Variants in BLTP2 observed in about 807,000 individuals in gnomAD.
BLTP2 encodes the protein U937-associated antigen.
the BLTP2 span, chr17:28,634,640 C>G: frequency 6.2e-7 from 1 of 1,614,216 alleles, no homozygotes. Context: ...TGCTCAGGAC[C>G]ATGGAAGGAG....
the BLTP2 span, chr17:28,633,436 G>T: frequency 5.2e-5 from 83 of 1,592,748 alleles, no homozygotes; most frequent in Non-Finnish European, 6.3e-5. Context: ...TGAGATATAG[G>T]TAAGAAAACC....
the BLTP2 span, chr17:28,620,545 G>A: frequency 1.9e-6 from 3 of 1,614,172 alleles, no homozygotes; most frequent in Non-Finnish European, 2.5e-6. Flanking sequence ...GCAGGTTGTT[G>A]ACAATGTCCA....
At chr17:28,633,278 C>A in the BLTP2 span, 1 of 1,611,032 alleles carries the variant, frequency 6.2e-7, no homozygotes, top group Non-Finnish European at 8.5e-7. Context: ...CTTCACTCCA[C>A]TCACTTAGAG....
At chr17:28,615,365 C>T in the BLTP2 span, 1 of 876,854 alleles carries the variant, frequency 1.1e-6, no homozygotes, top group East Asian at 2.6e-5. Flanking sequence ...TGGGGCAATT[C>T]ACATACAATG....
At chr17:28,638,609 A>C in the BLTP2 span, 1 of 1,613,316 alleles carries the variant, frequency 6.2e-7, no homozygotes, top group East Asian at 2.2e-5. Context: ...TGGAGGTGCT[A>C]AAGATGATGG....
the BLTP2 span, chr17:28,632,111 T>G: frequency 1.2e-6 from 2 of 1,614,220 alleles, no homozygotes; most frequent in Non-Finnish European, 1.7e-6. Flanking sequence ...AGTTTCTTCT[T>G]GCTGGGTTTC....
At chr17:28,631,982 A>G in the BLTP2 span, 65 of 1,606,816 alleles carry the variant, frequency 4.0e-5, no homozygotes, top group African/African-American at 7.1e-4. Context: ...AAGGGACTCA[A>G]TATGAGAAAC....
At chr17:28,640,079 T>A in the BLTP2 span, 1 of 1,591,684 alleles carries the variant, frequency 6.3e-7, no homozygotes, top group South Asian at 1.1e-5. Context: ...TTCCTACTTC[T>A]TTTACTTTTA....
At chr17:28,634,379 G>A in the BLTP2 span, 7 of 843,576 alleles carry the variant, frequency 8.3e-6, no homozygotes, top group South Asian at 1.2e-4. Flanking sequence ...AGAAAGGGAA[G>A]GGAAGCCCAC....
chr17:28,638,179 A>G, the BLTP2 span: 3 of 1,596,514 alleles, frequency 1.9e-6, 1 homozygote, highest in South Asian at 3.3e-5. Flanking sequence ...CTGCATTAGG[A>G]TGCTCAGCGC....
At chr17:28,634,747 A>T in the BLTP2 span, 1 of 1,614,068 alleles carries the variant, frequency 6.2e-7, no homozygotes, top group South Asian at 1.1e-5. Context: ...GGAACGCTGG[A>T]TGTAGATTTC....
the BLTP2 span, chr17:28,634,749 G>A: frequency 2.5e-6 from 4 of 1,614,160 alleles, no homozygotes; most frequent in African/African-American, 2.7e-5. Context: ...AACGCTGGAT[G>A]TAGATTTCAA....
At chr17:28,627,267 T>C in the BLTP2 span, among the ~76,000 whole-genome samples, 2 of 152,170 alleles carry the variant, frequency 1.3e-5, no homozygotes, top group Non-Finnish European at 2.9e-5. Flanking sequence ...ACTCAGATTA[T>C]TCCCTCTGCA....
chr17:28,635,413 G>C, the BLTP2 span: 4 of 1,614,062 alleles, frequency 2.5e-6, no homozygotes, highest in Non-Finnish European at 3.4e-6. Flanking sequence ...CAGCCGCTTT[G>C]GGGGTAATGG....
chr17:28,621,121 G>T, the BLTP2 span: 8 of 1,614,052 alleles, frequency 5.0e-6, no homozygotes, highest in African/African-American at 9.3e-5. Context: ...AACGCGAAAT[G>T]ATCCGCTGGA....
chr17:28,638,362 C>G, the BLTP2 span: 2 of 1,614,186 alleles, frequency 1.2e-6, no homozygotes, highest in Non-Finnish European at 1.7e-6. Flanking sequence ...CAGAGGTGGT[C>G]CACAGTTAGG....
the BLTP2 span, chr17:28,615,373 A>G: frequency 1.4e-5 from 12 of 842,674 alleles, no homozygotes; most frequent in Non-Finnish European, 2.0e-5. Flanking sequence ...TTCACATACA[A>G]TGGTCTCTGC....
chr17:28,630,730 C>T, the BLTP2 span, among the ~76,000 whole-genome samples: 6 of 150,374 alleles, frequency 4.0e-5, no homozygotes, highest in East Asian at 4.0e-4. Flanking sequence ...ATGATCCATC[C>T]GCCTTGGCCT....
At chr17:28,624,604 A>G in the BLTP2 span, among the ~76,000 whole-genome samples, 1 of 152,224 alleles carries the variant, frequency 6.6e-6, no homozygotes, top group Non-Finnish European at 1.5e-5. Context: ...AATAAAAGTA[A>G]CAGATTCCCA....
Sources: gnomAD v4.1 joint callset for allele counts (sites outside exome capture counted in the v4.1 genomes callset) on GRCh38, gnomAD v4.1.1 for gene constraint, MANE v1.5 for transcripts, NCBI Gene and HGNC (gene_info 2026-07-23, HGNC 2026-07-21) for gene names.